TRERF1: variants seen among roughly 807,000 people sequenced by gnomAD.
TRERF1 encodes transcriptional regulating factor 1, also known as transcriptional-regulating factor 1.
A neutral mutation model predicts 122.9 loss-of-function variants in TRERF1; 27 were observed. The ratio of observed to expected loss-of-function variants is 0.22; its 90% confidence interval spans 0.16 to 0.30. TRERF1 has a LOEUF of 0.30. TRERF1 is among the 10% of genes least tolerant of loss of function. TRERF1 has a pLI of 1.00. For synonymous variants in TRERF1, 636 were observed against 641.7 expected (o/e 0.99, Z 0.13); for missense variants, 1,248 against 1,560.3 (o/e 0.80, Z 3.37).
At chr6:42,305,995 CTTTTTT>C (rs55700516) in intron 3 of TRERF1, among the ~76,000 whole-genome samples, 2 of 69,494 alleles carry the variant, frequency 2.9e-5, no homozygotes, top group East Asian at 5.5e-4. Flanking sequence ...AATATCTCTC[CTTTTTT>C]TTTTTTTTTT....
rs186981200 is a variant in TRERF1, at chr6:42,440,368, C to T, written c.-454+10809G>A. Among the ~76,000 whole-genome samples, 101 of 152,314 alleles carry T rather than the reference C, an allele frequency of 6.6e-4. 1 individual carries two copies. Among genetic ancestry groups the T allele is most frequent in the South Asian group, 1.7e-3 (8 of 4,822 alleles). ...CTGAGTTTGGATACCAGCTCCGCCACGCAGCACCTGTCCTTAAACAAGTTG... is the reference window on the plus strand; with the variant it reads ...CTGAGTTTGGATACCAGCTCCGCCATGCAGCACCTGTCCTTAAACAAGTTG... On this transcript the variant is annotated intron_variant, in intron 2 of 17. Transcript: ENST00000372922.
intron 2 of TRERF1, among the ~76,000 whole-genome samples, chr6:42,418,334 A>G (rs1394495373): frequency 1.5e-5 from 2 of 135,244 alleles, no homozygotes; most frequent in African/African-American, 5.7e-5. Flanking sequence ...CAATGGCGCG[A>G]TCTTGGCTCA....
At chr6:42,311,395 C>T (rs1788202390) in intron 3 of TRERF1, among the ~76,000 whole-genome samples, 1 of 151,982 alleles carries the variant, frequency 6.6e-6, no homozygotes, top group African/African-American at 2.4e-5. Context: ...TGTCCTTCCA[C>T]TCTTTGGTGG....
intron 4 of TRERF1, among the ~76,000 whole-genome samples, chr6:42,295,111 G>GAT (rs557053823): frequency 6.6e-6 from 1 of 152,158 alleles, no homozygotes; most frequent in Non-Finnish European, 1.5e-5. Flanking sequence ...GGGAGACTGG[G>GAT]ATAACAAAGA....
chr6:42,255,494 A>AG (rs1281231335), intron 12 of TRERF1, among the ~76,000 whole-genome samples: 1 of 152,122 alleles, frequency 6.6e-6, no homozygotes, highest in East Asian at 1.9e-4. Flanking sequence ...TGCTACTCTA[A>AG]GTGTGGTCCA....
At chr6:42,442,323 A>G (rs957138142) in intron 2 of TRERF1, among the ~76,000 whole-genome samples, 2 of 152,062 alleles carry the variant, frequency 1.3e-5, no homozygotes, top group Non-Finnish European at 2.9e-5. Flanking sequence ...CCAAAGACCA[A>G]GGGAGGCCCT....
At chr6:42,420,168 C>T (rs145801526) in intron 2 of TRERF1, among the ~76,000 whole-genome samples, 1 of 152,208 alleles carries the variant, frequency 6.6e-6, no homozygotes, top group South Asian at 2.1e-4. Context: ...AGTCACCTCC[C>T]TTCCCAGGAC....
Position 42,228,657 on chromosome 6 carries a change from C to T in TRERF1, c.3291G>A (p.Lys1097=). ...TCATGTGTGCATTTCGGCTTTTGAT[C>T]TTGAAGAAGACTCTAAAAATAAAGA... Residue 1097 remains lysine (K), a synonymous_variant, in exon 18 of 18, where the codon AAG becomes AAA. Transcript: ENST00000372922. The surrounding 1 kb of genome is among the most constrained non-coding windows in gnomAD (Gnocchi z 4.2). 3 of 1,597,774 alleles carry T rather than the reference C, an allele frequency of 1.9e-6. No individual in the cohort carries two copies. Among genetic ancestry groups the T allele is most frequent in the Non-Finnish European group, 8.5e-7 (1 of 1,173,024 alleles).
chr6:42,437,948 G>A (rs1425365770), intron 2 of TRERF1, among the ~76,000 whole-genome samples: 1 of 151,896 alleles, frequency 6.6e-6, no homozygotes, highest in Non-Finnish European at 1.5e-5. Flanking sequence ...TTGAGACAGA[G>A]TATTACTCTG....
intron 3 of TRERF1, among the ~76,000 whole-genome samples, chr6:42,345,944 C>T (rs1404678893): frequency 1.3e-5 from 2 of 152,194 alleles, no homozygotes; most frequent in African/African-American, 2.4e-5. Context: ...AACTCTGGGC[C>T]CAGCATGGGC....
At chr6:42,281,823 G>A (rs528305752) in intron 4 of TRERF1, among the ~76,000 whole-genome samples, 4 of 152,336 alleles carry the variant, frequency 2.6e-5, no homozygotes, top group East Asian at 3.9e-4. Context: ...TGCATTGGGC[G>A]CTAACCCCAG....
chr6:42,321,166 A>AG (rs941307587), intron 3 of TRERF1, among the ~76,000 whole-genome samples: 2 of 151,960 alleles, frequency 1.3e-5, no homozygotes, highest in African/African-American at 4.8e-5. Context: ...AAAAAAAAAA[A>AG]AGGCATTTTC....
Position 42,275,959 on chromosome 6 carries a change from G to A in TRERF1, c.-258-6111C>T, listed in dbSNP as rs1473628967. 6.6e-6 allele frequency among the ~76,000 whole-genome samples: 1 copy of A among 152,202 alleles called. No individual in the cohort carries two copies. Among genetic ancestry groups the A allele is most frequent in the East Asian group, 1.9e-4 (1 of 5,202 alleles). On this transcript the variant is annotated intron_variant, in intron 4 of 17. Coordinates refer to ENST00000372922, the Ensembl canonical transcript of TRERF1. The surrounding 1 kb of genome is among the most constrained non-coding windows in gnomAD (Gnocchi z 4.1). ...ACTTTATTTATGGACGCTGAAACTTGAATTTTACATAATTTTCACATGCCA... is the reference window on the plus strand; with the variant it reads ...ACTTTATTTATGGACGCTGAAACTTAAATTTTACATAATTTTCACATGCCA...
chr6:42,274,266 A>G (rs1337639563), intron 4 of TRERF1, among the ~76,000 whole-genome samples: 1 of 152,220 alleles, frequency 6.6e-6, no homozygotes. Context: ...TCTCTGCCCC[A>G]GAGATGATCC....
chr6:42,435,560 C>A (rs1233526112), intron 2 of TRERF1, among the ~76,000 whole-genome samples: 1 of 151,546 alleles, frequency 6.6e-6, no homozygotes, highest in African/African-American at 2.4e-5. Flanking sequence ...TAGGAATTTA[C>A]CGCCCAAAAA....
intron 3 of TRERF1, among the ~76,000 whole-genome samples, chr6:42,340,380 G>C (rs1767022630): frequency 6.6e-6 from 1 of 152,102 alleles, no homozygotes; most frequent in Non-Finnish European, 1.5e-5. Flanking sequence ...AGACGGTTGA[G>C]GGTTCTTTCT....
intron 3 of TRERF1, among the ~76,000 whole-genome samples, chr6:42,349,220 G>A (rs1581723098): frequency 6.6e-6 from 1 of 152,140 alleles, no homozygotes; most frequent in East Asian, 1.9e-4. Context: ...AGGGAACCCA[G>A]TCAGGGGCAA....
intron 3 of TRERF1, among the ~76,000 whole-genome samples, chr6:42,304,333 T>A (rs909937559): frequency 1.3e-5 from 2 of 152,172 alleles, no homozygotes; most frequent in African/African-American, 4.8e-5. Context: ...CCCACTTCTG[T>A]GAAATGAGGT....
chr6:42,364,822 G>A (rs1772423554), intron 2 of TRERF1, among the ~76,000 whole-genome samples: 1 of 152,166 alleles, frequency 6.6e-6, no homozygotes, highest in Admixed American at 6.5e-5. Flanking sequence ...AAGGGGAGGA[G>A]AAAAGAGAAG....
Sources: gnomAD v4.1 joint callset for allele counts (sites outside exome capture counted in the v4.1 genomes callset) on GRCh38, gnomAD v4.1.1 for gene constraint, Gnocchi (gnomAD v3.1) non-coding constraint, MANE v1.5 for transcripts, NCBI Gene and HGNC (gene_info 2026-07-23, HGNC 2026-07-21) for gene names.